The following PHACTR3 variants were observed in gnomAD, a reference collection of about 807,000 sequenced individuals.
PHACTR3 encodes the protein phosphatase and actin regulator 3, also known as protein phosphatase 1, regulatory subunit 123.
PHACTR3 carries 16 observed loss-of-function variants against 66.8 expected under a neutral mutation model. The ratio of observed to expected loss-of-function variants is 0.24; its 90% confidence interval spans 0.16 to 0.36. The LOEUF (loss-of-function observed/expected upper bound fraction) is 0.36. Ranked by LOEUF, PHACTR3 falls within the 10% of genes least tolerant of loss-of-function variation. The pLI, the probability that PHACTR3 is intolerant of heterozygous loss-of-function variation, is 1.00. For synonymous variants in PHACTR3, 323 were observed against 292.1 expected (o/e 1.11, Z -1.08); for missense variants, 647 against 719.9 (o/e 0.90, Z 1.16).
intron 5 of PHACTR3, among the ~76,000 whole-genome samples, chr20:59,771,099 C>CA (rs1452175954): frequency 6.6e-6 from 1 of 152,188 alleles, no homozygotes; most frequent in Non-Finnish European, 1.5e-5. Context: ...TGCTGGTTGT[C>CA]ACATCTGTGA....
At position 59,643,479 on chromosome 20, in the gene PHACTR3, C is replaced by A. The variant is rs368402528; in HGVS notation, c.118+38347C>A. On this transcript the variant is annotated intron_variant, in intron 1 of 12. Transcript: ENST00000371015. Reference sequence around the variant, plus strand: ...TTTTCATGTGAGCACCCCAACTTTGCCTTTTGCTAAATTTTGCAACAAGTT... The same window carrying A: ...TTTTCATGTGAGCACCCCAACTTTGACTTTTGCTAAATTTTGCAACAAGTT... Among the ~76,000 whole-genome samples, 4 of 152,136 alleles carry A rather than the reference C, an allele frequency of 2.6e-5. No individual in the cohort carries two copies. The East Asian group carries it at 5.8e-4, about 22-fold the overall frequency.
At position 59,743,114 on chromosome 20, in the gene PHACTR3, G is replaced by A. The variant is rs2039229529; in HGVS notation, c.126G>A (p.Met42Ile). 2 of 1,613,036 alleles carry A rather than the reference G, an allele frequency of 1.2e-6. No homozygotes were observed. Among genetic ancestry groups the A allele is most frequent in the Non-Finnish European group, 1.7e-6 (2 of 1,179,618 alleles). Reference sequence around the variant, plus strand: ...TTGGTTTTCGTCTTCCAGATGAGATGGACCAAACGCCCCCGGCGCGTCCTG... The same window carrying A: ...TTGGTTTTCGTCTTCCAGATGAGATAGACCAAACGCCCCCGGCGCGTCCTG... ...SADAGENPDE[M>I]DQTPPARPEY... is the part of the protein sequence containing the mutation. The change falls in exon 2 of 13, where the codon ATG becomes ATA. Residue 42 changes from methionine to isoleucine, a missense_variant. Physicochemically the swap from Met to Ile is conservative, Grantham distance 10. Around this residue, in one of 2 missense-constraint regions of PHACTR3, gnomAD observed 577 missense variants for 571.1 expected, o/e 1.01. Transcript: ENST00000371015.
intron 1 of PHACTR3, among the ~76,000 whole-genome samples, chr20:59,605,438 A>G (rs1388533816): frequency 1.3e-5 from 2 of 152,166 alleles, no homozygotes; most frequent in African/African-American, 4.8e-5. Context: ...GGCTGGGGGA[A>G]GAGAGGCAGA....
At chr20:59,744,936 G>A (rs1006856328) in intron 2 of PHACTR3, among the ~76,000 whole-genome samples, 9 of 152,330 alleles carry the variant, frequency 5.9e-5, no homozygotes, top group African/African-American at 1.9e-4. Context: ...TGGATGCTAG[G>A]CTCAGCTAGG....
chr20:59,727,260 G>T (rs1464711179), intron 1 of PHACTR3, among the ~76,000 whole-genome samples: 1 of 152,106 alleles, frequency 6.6e-6, no homozygotes. Flanking sequence ...CACTGTAGCA[G>T]GTGTCCAGGC....
At chr20:59,591,334 C>G (rs2146312480) in intron 1 of PHACTR3, among the ~76,000 whole-genome samples, 1 of 152,332 alleles carries the variant, frequency 6.6e-6, no homozygotes, top group South Asian at 2.1e-4. Context: ...TCCAGTGGCT[C>G]CCGTCAGCAT....
At chr20:59,754,005 G>A (rs187889626) in intron 3 of PHACTR3, among the ~76,000 whole-genome samples, 5 of 152,348 alleles carry the variant, frequency 3.3e-5, no homozygotes, top group African/African-American at 9.6e-5. Flanking sequence ...TGGCTGTGTC[G>A]ACATGTGCAG....
At chr20:59,691,084 G>C (rs889281110) in intron 1 of PHACTR3, among the ~76,000 whole-genome samples, 6 of 152,152 alleles carry the variant, frequency 3.9e-5, no homozygotes, top group African/African-American at 1.4e-4. Context: ...TCCCACTATA[G>C]GATATCTCAG....
intron 1 of PHACTR3, among the ~76,000 whole-genome samples, chr20:59,688,602 C>T (rs373425541): frequency 2.6e-5 from 4 of 152,258 alleles, no homozygotes; most frequent in African/African-American, 4.8e-5. Context: ...CCCTACAGTA[C>T]GTGTTTTGTG....
chr20:59,817,450 C>G (rs1442405706), intron 8 of PHACTR3, among the ~76,000 whole-genome samples: 2 of 152,258 alleles, frequency 1.3e-5, no homozygotes, highest in Admixed American at 1.3e-4. Context: ...ACTCCTAAAG[C>G]TTTCTGAGCA....
chr20:59,631,201 A>G (rs2034648484), intron 1 of PHACTR3, among the ~76,000 whole-genome samples: 1 of 152,252 alleles, frequency 6.6e-6, no homozygotes, highest in Non-Finnish European at 1.5e-5. Context: ...TGCCATAATT[A>G]TCAAGGCAAG....
At chr20:59,586,161 T>C (rs1255446468) in intron 1 of PHACTR3, among the ~76,000 whole-genome samples, 1 of 152,230 alleles carries the variant, frequency 6.6e-6, no homozygotes, top group Non-Finnish European at 1.5e-5. Context: ...TCTGTGGTCA[T>C]TCTGCCTCCT....
Position 59,841,502 on chromosome 20 carries a change from C to G in PHACTR3, c.1554C>G (p.Asp518Glu). 2 of 1,613,496 alleles carry G rather than the reference C, an allele frequency of 1.2e-6. No homozygotes were observed. Among genetic ancestry groups the G allele is most frequent in the Non-Finnish European group, 1.7e-6 (2 of 1,179,640 alleles). The change falls in exon 11 of 13, where the codon GAC (aspartate) becomes GAG (glutamate). Residue 518 changes from aspartate (D) to glutamate (E), a missense_variant. By Grantham distance (45) the Asp-to-Glu change is conservative. Coordinates refer to ENST00000371015, the MANE Select transcript of PHACTR3 (RefSeq NM_080672.5). ...AKAQDYDRRA[D>E]KPWTRLSAAD... ...CGCAGGACTATGACAGGAGGGCAGACAAACCCTGGACGAGACTGTCAGCAG... is the reference window on the plus strand; with the variant it reads ...CGCAGGACTATGACAGGAGGGCAGAGAAACCCTGGACGAGACTGTCAGCAG...
intron 1 of PHACTR3, among the ~76,000 whole-genome samples, chr20:59,586,216 G>A (rs1442091438): frequency 6.6e-6 from 1 of 152,118 alleles, no homozygotes; most frequent in East Asian, 1.9e-4. Context: ...TGCACATTTG[G>A]ACCTAAGTTC....
chr20:59,845,405 A>C (rs2059130213), intron 12 of PHACTR3, 140 bp downstream of exon 12: 1 of 579,446 alleles, frequency 1.7e-6, no homozygotes, highest in Admixed American at 3.3e-5. Context: ...AATAGAATGT[A>C]CCTCAAGTAA....
chr20:59,716,197 C>T (rs1280960561), intron 1 of PHACTR3, among the ~76,000 whole-genome samples: 1 of 147,406 alleles, frequency 6.8e-6, no homozygotes, highest in Non-Finnish European at 1.5e-5. Context: ...TTGCTCTTCC[C>T]TTCACCCTTT....
chr20:59,747,611 G>A (rs1268888094), intron 2 of PHACTR3, 147 bp from the exon 3 acceptor site: 20 of 795,920 alleles, frequency 2.5e-5, no homozygotes, highest in South Asian at 5.2e-5. Flanking sequence ...GTTGGGCCTC[G>A]CCAGTGGACT....
In PHACTR3 at chr20:59,743,261, A is replaced by C. The variant is rs764266237; in HGVS notation, c.273A>C (p.Thr91=). 1.4e-5 allele frequency: 22 copies of C among 1,614,012 alleles called. No individual in the cohort carries two copies. The South Asian group carries it at 2.2e-4, about 16-fold the overall frequency. ...AGAAAAACGAAAAACTGAAGCAGAC[A>C]ACGTCAGGTAAAGGCCTGGTGACAG... ...RKKKNEKLKQ[T]TSALEKKMAG... Residue 91 remains threonine (T), a synonymous_variant, in exon 2 of 13, where the codon ACA becomes ACC. Coordinates refer to ENST00000371015, the MANE Select transcript of PHACTR3 (RefSeq NM_080672.5).
chr20:59,605,162 GTC>G, intron 1 of PHACTR3, 30 bp downstream of exon 1: 5 of 923,112 alleles, frequency 5.4e-6, no homozygotes, highest in Non-Finnish European at 7.4e-6. Flanking sequence ...CGGCGGGCGG[GTC>G]GGGGAGGCCC....
Sources: gnomAD v4.1 joint callset for allele counts (sites outside exome capture counted in the v4.1 genomes callset) on GRCh38, gnomAD v4.1.1 for gene constraint, gnomAD v4.1.1 regional missense constraint, MANE v1.5 for transcripts, NCBI Gene and HGNC (gene_info 2026-07-23, HGNC 2026-07-21) for gene names.